FBXO16: variants seen among roughly 807,000 people sequenced by gnomAD.
FBXO16 encodes F-box protein 16, also known as F-box only protein 16.
FBXO16 carries 31 observed loss-of-function variants against 41.0 expected under a neutral mutation model. The observed-to-expected ratio is 0.76, with a 90% confidence interval of 0.57 to 1.02. The LOEUF is 1.02. FBXO16 is among the 50% of genes least tolerant of loss of function. The pLI is 0.00. For missense variants in FBXO16, 361 were observed against 346.2 expected, an observed-to-expected ratio of 1.04 and a Z score of -0.34; for synonymous variants, 133 against 117.8, an observed-to-expected ratio of 1.13 and a Z score of -0.84.
intron 7 of FBXO16, among the ~76,000 whole-genome samples, chr8:28,444,877 C>T (rs1391293221): frequency 6.7e-6 from 1 of 149,904 alleles, no homozygotes; most frequent in Non-Finnish European, 1.5e-5. Flanking sequence ...GTGATCCACC[C>T]ACCTCGGCCT....
At chr8:28,458,570 G>A (rs1169852601) in intron 4 of FBXO16, among the ~76,000 whole-genome samples, 2 of 24,456 alleles carry the variant, frequency 8.2e-5, no homozygotes, top group African/African-American at 1.3e-4. Context: ...TTTTTTTTTT[G>A]AGACAGAGTT....
At chr8:28,457,854 T>C (rs948988368) in intron 4 of FBXO16, among the ~76,000 whole-genome samples, 2 of 152,248 alleles carry the variant, frequency 1.3e-5, no homozygotes, top group African/African-American at 4.8e-5. Flanking sequence ...GCACTTATTA[T>C]GTACATACCA....
At chr8:28,463,166 G>A (rs1457643469) in intron 4 of FBXO16, among the ~76,000 whole-genome samples, 1 of 151,880 alleles carries the variant, frequency 6.6e-6, no homozygotes, top group African/African-American at 2.4e-5. Context: ...GTGTGTATGT[G>A]TGTTTGTGTG....
chr8:28,474,335 A>G (rs1167655391), intron 2 of FBXO16, among the ~76,000 whole-genome samples: 2 of 132,258 alleles, frequency 1.5e-5, no homozygotes, highest in African/African-American at 6.0e-5. Flanking sequence ...AAAAAAAAAA[A>G]AAAAAAAAAA....
At chr8:28,473,213 C>T (rs142949464) in intron 3 of FBXO16, among the ~76,000 whole-genome samples, 3 of 152,224 alleles carry the variant, frequency 2.0e-5, no homozygotes, top group East Asian at 3.9e-4. Context: ...AAATAAGATA[C>T]GACTTCTGTT....
intron 4 of FBXO16, among the ~76,000 whole-genome samples, chr8:28,460,254 T>A (rs1246455430): frequency 2.3e-5 from 3 of 131,006 alleles, no homozygotes; most frequent in Admixed American, 7.9e-5. Flanking sequence ...TATTTTTTTT[T>A]TTTTTTTTTT....
intron 7 of FBXO16, among the ~76,000 whole-genome samples, chr8:28,446,721 A>G: frequency 6.6e-6 from 1 of 151,896 alleles, no homozygotes; most frequent in South Asian, 2.1e-4. Context: ...AAAATACAAA[A>G]ATTAGCTGGG....
intron 6 of FBXO16, among the ~76,000 whole-genome samples, chr8:28,450,180 T>C (rs760859789): frequency 3.3e-5 from 5 of 152,118 alleles, no homozygotes; most frequent in Non-Finnish European, 7.3e-5. Context: ...ATATGGTCTA[T>C]TGACTTTCAA....
intron 7 of FBXO16, among the ~76,000 whole-genome samples, chr8:28,431,187 C>T (rs922713474): frequency 6.6e-6 from 1 of 152,128 alleles, no homozygotes; most frequent in Non-Finnish European, 1.5e-5. Flanking sequence ...TCACAGCCCT[C>T]CCTTTTCACC....
intron 5 of FBXO16, among the ~76,000 whole-genome samples, chr8:28,454,544 T>C (rs1016358855): frequency 4.0e-5 from 6 of 151,160 alleles, no homozygotes; most frequent in African/African-American, 4.9e-5. Context: ...CTGGCTAACA[T>C]GGTGAAACCC....
At chr8:28,447,144 G>A (rs1802876773) in intron 7 of FBXO16, 27 bp downstream of exon 7, 1 of 1,565,242 alleles carries the variant, frequency 6.4e-7, no homozygotes, top group Non-Finnish European at 8.7e-7. Context: ...ATGTTATGGT[G>A]ATGAATCTTT....
chr8:28,441,545 G>A (rs1247703355), intron 7 of FBXO16, among the ~76,000 whole-genome samples: 1 of 152,202 alleles, frequency 6.6e-6, no homozygotes, highest in African/African-American at 2.4e-5. Context: ...AGACCAGCCT[G>A]GCCAACATGG....
intron 4 of FBXO16, among the ~76,000 whole-genome samples, chr8:28,460,245 A>ATAT (rs1477457728): frequency 1.2e-3 from 106 of 85,442 alleles, no homozygotes; most frequent in Non-Finnish European, 1.6e-3. Flanking sequence ...ATATATATAT[A>ATAT]TTTTTTTTTT....
chr8:28,461,136 T>C (rs938121043), intron 4 of FBXO16, among the ~76,000 whole-genome samples: 2 of 151,946 alleles, frequency 1.3e-5, no homozygotes, highest in Non-Finnish European at 2.9e-5. Flanking sequence ...TTGCAACTTA[T>C]TTACCCAGTC....
In FBXO16 at chr8:28,434,966, C is replaced by T. The variant is rs184461615; in HGVS notation, c.844-5563G>A. Among the ~76,000 whole-genome samples the T allele has an allele frequency of 9.9e-4, 151 of 152,336 alleles. 1 individual carries two copies. The highest frequency in any genetic ancestry group is 1.7e-3 in the Non-Finnish European group (116 of 68,032). On this transcript the variant is annotated intron_variant, in intron 7 of 8. Coordinates refer to ENST00000380254, the MANE Select transcript of FBXO16 (RefSeq NM_172366.4). Reference sequence around the variant, plus strand: ...GTGTGCTAATTAGCTCTTTTAGTTCCGTTGTCCATAGCCCAATGGACGGCA... The same window carrying T: ...GTGTGCTAATTAGCTCTTTTAGTTCTGTTGTCCATAGCCCAATGGACGGCA...
chr8:28,465,672 GGATT>G (rs1405262850), intron 3 of FBXO16, among the ~76,000 whole-genome samples: 2 of 151,938 alleles, frequency 1.3e-5, no homozygotes, highest in African/African-American at 2.4e-5. Context: ...AACAAAAAGT[GGATT>G]GATTGTTTCA....
At chr8:28,464,021 G>A (rs760020882) in intron 3 of FBXO16, among the ~76,000 whole-genome samples, 5 of 152,130 alleles carry the variant, frequency 3.3e-5, no homozygotes, top group South Asian at 2.1e-4. Context: ...ACCTAAGTGC[G>A]CACACAGAAG....
intron 7 of FBXO16, among the ~76,000 whole-genome samples, chr8:28,444,658 T>C (rs1458378808): frequency 6.6e-6 from 1 of 151,528 alleles, no homozygotes; most frequent in Non-Finnish European, 1.5e-5. Flanking sequence ...TTTGTATTTT[T>C]TTTAGTAGAG....
intron 5 of FBXO16, among the ~76,000 whole-genome samples, chr8:28,452,935 T>TAATATC (rs200184780): frequency 7.6e-6 from 1 of 132,318 alleles, no homozygotes; most frequent in Non-Finnish European, 1.7e-5. Context: ...AAAAAAGGAA[T>TAATATC]ATCATCATCA....
Sources: gnomAD v4.1 joint callset for allele counts (sites outside exome capture counted in the v4.1 genomes callset) on GRCh38, gnomAD v4.1.1 for gene constraint, MANE v1.5 for transcripts, NCBI Gene and HGNC (gene_info 2026-07-23, HGNC 2026-07-21) for gene names.